SLC4A1: variants seen among roughly 807,000 people sequenced by gnomAD.
SLC4A1 encodes the protein band 3 anion transport protein.
In SLC4A1, 29 loss-of-function variants were observed where a neutral mutation model predicts 93.1. That is an observed-to-expected ratio of 0.31 (90% CI 0.23 to 0.42). SLC4A1 has a LOEUF of 0.42. Ranked by LOEUF, SLC4A1 falls within the 20% of genes least tolerant of loss-of-function variation. The pLI is 1.00. For missense variants in SLC4A1, 965 were observed against 1,190.1 expected (o/e 0.81, Z 2.78); for synonymous variants, 469 against 497.2 (o/e 0.94, Z 0.76).
At position 44,268,075 on chromosome 17, in the gene SLC4A1, C is replaced by G; in HGVS notation, c.-90G>C. ...CCACCTGCTCACGAGCCTCAGGGTCCCTTGGTGAAGTCCTGCAGCCGCTGG... is the reference window on the plus strand; with the variant it reads ...CCACCTGCTCACGAGCCTCAGGGTCGCTTGGTGAAGTCCTGCAGCCGCTGG... On this transcript the variant is annotated 5_prime_UTR_variant, in exon 1 of 20. Coordinates refer to ENST00000262418, the MANE Select transcript of SLC4A1 (RefSeq NM_000342.4). The G allele has an allele frequency of 3.0e-6, 3 of 985,526 alleles. No individual in the cohort carries two copies. Among genetic ancestry groups the G allele is most frequent in the Non-Finnish European group, 3.6e-6 (3 of 830,058 alleles). The allele number at this position is 985,526 out of a possible 1,614,324, so 61.0% of individuals were successfully genotyped here.
Position 44,253,177 on chromosome 17 carries a change from G to A in SLC4A1, c.2252C>T (p.Ala751Val), listed in dbSNP as rs935383555. Residue 751 changes from alanine to valine, a missense_variant, in exon 17 of 20, where the codon GCC (alanine) becomes GTC (valine). By Grantham distance (64) the Ala-to-Val change is moderately conservative. This residue lies in a region of SLC4A1 where 770 missense variants were observed against 1,006.6 expected (regional missense o/e 0.76). Transcript: ENST00000262418. ...MGKASTPGAA[A>V]QIQEVKEQRI... is the part of the protein sequence containing the mutation. ...CTGCTCTTTGACCTCCTGGATCTGG[G>A]CTGCAGCCCCTGGGGTGCTGGCTTT... The A allele has an allele frequency of 5.6e-6, 9 of 1,613,678 alleles. No homozygotes were observed. In the Admixed American group the frequency reaches 1.3e-4, roughly 24 times the overall value.
At chr17:44,252,291 A>G (rs940309433) in intron 17 of SLC4A1, among the ~76,000 whole-genome samples, 1 of 152,038 alleles carries the variant, frequency 6.6e-6, no homozygotes, top group African/African-American at 2.4e-5. Flanking sequence ...TCAGTCTCCC[A>G]AAGTGCTGGG....
At chr17:44,263,438 T>C (rs1353342904) in intron 1 of SLC4A1, among the ~76,000 whole-genome samples, 2 of 152,154 alleles carry the variant, frequency 1.3e-5, no homozygotes, top group Admixed American at 6.6e-5. Context: ...CCTACTTCTC[T>C]CCCTGACCCC....
chr17:44,259,136 G>C lies in SLC4A1; in HGVS notation c.876+27C>G, dbSNP rs763092786. ...ACCATGCAGGTCCCAAGCTTCCCCA[G>C]CCCAGCCCTCTCCGGCCCTTCCTTA... On this transcript the variant is annotated intron_variant, in intron 9 of 19. Transcript: ENST00000262418. 1.9e-6 allele frequency: 3 copies of C among 1,612,052 alleles called. No individual in the cohort carries two copies. The African/African-American group carries it at 4.0e-5, about 22-fold the overall frequency.
At chr17:44,260,857 C>T (rs1176587406) in intron 4 of SLC4A1, 42 bp from the exon 5 acceptor site, 4 of 1,601,970 alleles carry the variant, frequency 2.5e-6, no homozygotes, top group Non-Finnish European at 3.4e-6. Context: ...AGGCATAGTC[C>T]AGGGCATAGT....
In SLC4A1 at chr17:44,258,224, G is replaced by C. The variant is rs560273704; in HGVS notation, c.1088-44C>G. 6.3e-7 allele frequency: 1 copy of C among 1,586,494 alleles called. No individual in the cohort carries two copies. Among genetic ancestry groups the C allele is most frequent in the Non-Finnish European group, 8.7e-7 (1 of 1,155,898 alleles). Reference sequence around the variant, plus strand: ...GCATGGTCAGAGGGAGTAGCTGGAGGAGGTGAGGGGAAAGGGGACTGGAGG... The same window carrying C: ...GCATGGTCAGAGGGAGTAGCTGGAGCAGGTGAGGGGAAAGGGGACTGGAGG... On this transcript the variant is annotated intron_variant, in intron 10 of 19. Coordinates refer to ENST00000262418, the MANE Select transcript of SLC4A1 (RefSeq NM_000342.4). The surrounding 1 kb of genome is among the most constrained non-coding windows in gnomAD (Gnocchi z 6.1).
intron 6 of SLC4A1, among the ~76,000 whole-genome samples, 162 bp downstream of exon 6, chr17:44,260,242 C>T (rs2047430475): frequency 6.6e-6 from 1 of 152,214 alleles, no homozygotes; most frequent in African/African-American, 2.4e-5. Flanking sequence ...AGGACATGGC[C>T]ACCCCTTTCA....
In SLC4A1 at chr17:44,254,599, G is replaced by C. The variant is rs2047372242; in HGVS notation, c.1954C>G (p.Pro652Ala). 6.2e-7 allele frequency: 1 copy of C among 1,614,034 alleles called. No homozygotes were observed. The highest frequency in any genetic ancestry group is 1.1e-5 in the South Asian group (1 of 91,078). Residue 652 changes from proline to alanine, a missense_variant, in exon 16 of 20, where the codon CCA becomes GCA. Physicochemically the swap from Pro to Ala is conservative, Grantham distance 27. This residue lies in a region of SLC4A1 where 770 missense variants were observed against 1,006.6 expected (regional missense o/e 0.76). Coordinates refer to ENST00000262418, the MANE Select transcript of SLC4A1 (RefSeq NM_000342.4). ...GGAAACTCGGAACGCAAGCCCAGTG[G>C]GTGGATGACCCAGCCCCGGGCTGAG... is the stretch of plus-strand genomic sequence containing the variant. ...NSSARGWVIH[P>A]LGLRSEFPIW...
At chr17:44,267,697 T>C (rs907419904) in intron 1 of SLC4A1, among the ~76,000 whole-genome samples, 2 of 152,078 alleles carry the variant, frequency 1.3e-5, no homozygotes, top group African/African-American at 4.8e-5. Flanking sequence ...GGGGGTGGTC[T>C]GAGGACCCCA....
chr17:44,253,247 T>C lies in SLC4A1; in HGVS notation c.2182A>G (p.Thr728Ala). 1 of 1,613,998 alleles carries C rather than the reference T, an allele frequency of 6.2e-7. No homozygotes were observed. The highest frequency in any genetic ancestry group is 8.5e-7 in the Non-Finnish European group (1 of 1,180,010). The change falls in exon 17 of 20, where the codon ACC becomes GCC. Residue 728 changes from threonine (T) to alanine (A), a missense_variant. Physicochemically the swap from Thr to Ala is moderately conservative, Grantham distance 58. This residue lies in a region of SLC4A1 where 770 missense variants were observed against 1,006.6 expected (regional missense o/e 0.76). Transcript: ENST00000262418. ...LFGMPWLSAT[T>A]VRSVTHANAL... is the part of the protein sequence containing the mutation. ...TTGGCATGGGTGACGGAACGCACGG[T>C]GGTGGCACTGAGCCAGGGCATCCCA... is the stretch of plus-strand genomic sequence containing the variant.
intron 4 of SLC4A1, among the ~76,000 whole-genome samples, chr17:44,261,191 A>T (rs933520382): frequency 6.6e-6 from 1 of 152,216 alleles, no homozygotes; most frequent in African/African-American, 2.4e-5. Flanking sequence ...TCCAAGGGCC[A>T]TAGCTGAGGG....
Position 44,255,173 on chromosome 17 carries a change from G to A in SLC4A1, c.1890+34C>T, listed in dbSNP as rs45508401. 1.9e-3 allele frequency: 2,688 copies of A among 1,439,152 alleles called. 38 individuals carry two copies. The African/African-American group carries it at 0.031, about 17-fold the overall frequency. 89.1% of individuals were successfully genotyped at this position (1,439,152 alleles called of 1,614,324 possible). A position where few individuals can be genotyped will look rare whatever the true frequency, so the allele number is the denominator to read the frequency against. On this transcript the variant is annotated intron_variant, in intron 15 of 19. Transcript: ENST00000262418. ...GGGGGTGGAAATGAGGACCTGGGGGGTATCATGGTCTGAGGGCTGGGAGGA... is the reference window on the plus strand; with the variant it reads ...GGGGGTGGAAATGAGGACCTGGGGGATATCATGGTCTGAGGGCTGGGAGGA...
intron 1 of SLC4A1, among the ~76,000 whole-genome samples, chr17:44,265,534 T>G (rs1280272434): frequency 6.6e-6 from 1 of 152,030 alleles, no homozygotes; most frequent in Non-Finnish European, 1.5e-5. Context: ...CACGCCCAGC[T>G]AATTTTTTGT....
At chr17:44,257,314 C>T (rs1289246808) in intron 13 of SLC4A1, 36 bp downstream of exon 13, 1 of 1,599,982 alleles carries the variant, frequency 6.3e-7, no homozygotes, top group Non-Finnish European at 8.6e-7. Flanking sequence ...TTATACACAA[C>T]CTCCCGTGTG....
chr17:44,255,036 CCTCTG>C (rs2047376129), intron 15 of SLC4A1, among the ~76,000 whole-genome samples, 166 bp downstream of exon 15: 1 of 152,036 alleles, frequency 6.6e-6, no homozygotes. Context: ...CCACAGGGGT[CCTCTG>C]GGGCTGTGAG....
intron 1 of SLC4A1, among the ~76,000 whole-genome samples, chr17:44,265,278 T>C (rs2047486572): frequency 6.6e-6 from 1 of 151,854 alleles, no homozygotes; most frequent in South Asian, 2.1e-4. Context: ...GCCAAGGATC[T>C]GTATGGCAGG....
At chr17:44,253,970 CTTT>C (rs55705332) in intron 16 of SLC4A1, among the ~76,000 whole-genome samples, 4 of 87,044 alleles carry the variant, frequency 4.6e-5, no homozygotes, top group Admixed American at 2.7e-4. Flanking sequence ...TCACCTGGCG[CTTT>C]TTTTTTTTTT....
chr17:44,266,862 A>G (rs1292417173), intron 1 of SLC4A1, among the ~76,000 whole-genome samples: 7 of 152,120 alleles, frequency 4.6e-5, no homozygotes, highest in Admixed American at 1.3e-4. Flanking sequence ...CTGGGAAGAC[A>G]CGGCGGGAGA....
intron 17 of SLC4A1, among the ~76,000 whole-genome samples, chr17:44,252,195 A>T (rs2047349310): frequency 6.6e-6 from 1 of 151,556 alleles, no homozygotes; most frequent in Non-Finnish European, 1.5e-5. Context: ...AGCTGGGATT[A>T]TAGGCGTGCG....
Sources: allele counts gnomAD v4.1 joint callset (sites outside exome capture counted in the v4.1 genomes callset), GRCh38; gene constraint gnomAD v4.1.1; regional missense constraint gnomAD v4.1.1; non-coding constraint Gnocchi (gnomAD v3.1); transcripts MANE v1.5; gene names NCBI Gene and HGNC (gene_info 2026-07-23, HGNC 2026-07-21).